Variants in CSPG4 observed in about 807,000 individuals in gnomAD.
The protein encoded by CSPG4 is chondroitin sulfate proteoglycan 4 (melanoma-associated).
CSPG4 carries 74 observed loss-of-function variants against 139.3 expected under a neutral mutation model. The ratio of observed to expected loss-of-function variants is 0.53; its 90% CI spans 0.44 to 0.64. The LOEUF (loss-of-function observed/expected upper bound fraction) is 0.64, where lower values mean the gene tolerates loss of function less well. CSPG4 is among the 30% of genes least tolerant of loss of function. The probability of loss-of-function intolerance (pLI) is 0.00; values close to 1 mark genes in which losing one functional copy is unlikely to be tolerated. For synonymous variants in CSPG4, 1,234 were observed against 1,394.2 expected (o/e 0.89, Z 2.56); for missense variants, 2,565 against 3,148.3 (o/e 0.81, Z 4.43).
At position 75,687,514 on chromosome 15, in the gene CSPG4, G is replaced by A. The variant is rs766380419; in HGVS notation, c.3551C>T (p.Ala1184Val). Residue 1184 changes from alanine to valine, a missense_variant, in exon 3 of 10, where the codon GCC becomes GTC. This residue lies in a region of CSPG4 where 2,316 missense variants were observed against 2,818.2 expected (regional missense o/e 0.82). Coordinates refer to ENST00000308508, the MANE Select transcript of CSPG4 (RefSeq NM_001897.5). The surrounding 1 kb of genome is among the most constrained non-coding windows in gnomAD (Gnocchi z 5.4). ...CAGGTCCTGCTGGGAGAAGGCTGTG[G>A]CTGGCTGACCAGCCCGGACTAGCTG... is the stretch of plus-strand genomic sequence containing the variant. ...WGQLVRAGQP[A>V]TAFSQQDLLD... 13 of 1,612,164 alleles carry A rather than the reference G, an allele frequency of 8.1e-6. No individual in the cohort carries two copies. The highest frequency in any genetic ancestry group is 1.1e-5 in the Non-Finnish European group (13 of 1,179,532).
chr15:75,703,401 T>C (rs554705732), intron 1 of CSPG4, among the ~76,000 whole-genome samples: 24 of 151,860 alleles, frequency 1.6e-4, no homozygotes, highest in African/African-American at 5.3e-4. Context: ...TTCCGTCCCA[T>C]AGAGTCTTCA....
chr15:75,685,398 A>C lies in CSPG4; in HGVS notation c.4093T>G (p.Phe1365Val), dbSNP rs987355927. ...PAAIPLEAQN[F>V]SVPEGGSLTL... The stretch of plus-strand genomic sequence containing the variant: ...AGGCTGCCACCCTCAGGGACGCTGA[A>C]GTTTTGCGCCTCTAGTGGGATGGCA... Residue 1365 changes from phenylalanine to valine, a missense_variant, in exon 4 of 10, where the codon TTC (phenylalanine) becomes GTC (valine). Phe to Val is a conservative substitution (Grantham distance 50). This residue lies in a region of CSPG4 where 2,316 missense variants were observed against 2,818.2 expected (regional missense o/e 0.82). Coordinates refer to ENST00000308508, the MANE Select transcript of CSPG4 (RefSeq NM_001897.5). 1.2e-6 allele frequency: 2 copies of C among 1,611,678 alleles called. No individual in the cohort carries two copies. Among genetic ancestry groups the C allele is most frequent in the South Asian group, 1.1e-5 (1 of 90,906 alleles).
chr15:75,687,623 C>A lies in CSPG4; in HGVS notation c.3442G>T (p.Ala1148Ser). 1 of 1,612,044 alleles carries A rather than the reference C, an allele frequency of 6.2e-7. No homozygotes were observed. The highest frequency in any genetic ancestry group is 8.5e-7 in the Non-Finnish European group (1 of 1,179,490). ...PQGGQGTIDT[A>S]VLHLDTNLDI... ...AGGTTGGTGTCCAGGTGGAGCACGG[C>A]CGTGTCGATGGTGCCCTGGCCTCCT... The change falls in exon 3 of 10, where the codon GCC becomes TCC. Residue 1148 changes from alanine to serine, a missense_variant. Physicochemically the swap from Ala to Ser is moderately conservative, Grantham distance 99. This residue lies in a region of CSPG4 where 2,316 missense variants were observed against 2,818.2 expected (regional missense o/e 0.82). Coordinates refer to ENST00000308508, the MANE Select transcript of CSPG4 (RefSeq NM_001897.5). The surrounding 1 kb of genome is among the most constrained non-coding windows in gnomAD (Gnocchi z 5.4).
intron 1 of CSPG4, among the ~76,000 whole-genome samples, chr15:75,693,945 G>A (rs1458215851): frequency 6.6e-5 from 10 of 152,242 alleles, no homozygotes; most frequent in African/African-American, 2.4e-4. Context: ...ACCATGTGCA[G>A]TGTCAAACCA....
rs369202512 is a variant in CSPG4 at position 75,675,937 on chromosome 15, G to C, written c.6582C>G (p.Pro2194=). 4 of 1,594,586 alleles carry C rather than the reference G, an allele frequency of 2.5e-6. No individual in the cohort carries two copies. The African/African-American group carries it at 4.0e-5, about 16-fold the overall frequency. ...TEAGKPESST[P]TGEPGPMASS... ...ATGCCATGGGGCCTGGCTCGCCTGTGGGGGTGCTGCTCTCTGGCTTCCCTG... is the reference window on the plus strand; with the variant it reads ...ATGCCATGGGGCCTGGCTCGCCTGTCGGGGTGCTGCTCTCTGGCTTCCCTG... Residue 2194 remains proline (P), a synonymous_variant, in exon 10 of 10, where the codon CCC becomes CCG. Coordinates refer to ENST00000308508, the MANE Select transcript of CSPG4 (RefSeq NM_001897.5).
intron 8 of CSPG4, among the ~76,000 whole-genome samples, chr15:75,678,276 C>A (rs182491502): frequency 4.0e-4 from 61 of 152,310 alleles, no homozygotes; most frequent in Admixed American, 7.2e-4. Flanking sequence ...TGTCAGTTCC[C>A]CCCAGATGCA....
rs1894084502 is a variant in CSPG4 at position 75,687,813 on chromosome 15, C to T, written c.3252G>A (p.Glu1084=). ...ACAGTACTCGCCTCTTCCTGAGGTC[C>T]TCCTGGGTGAAGCGGTAGATGGGCC... is the stretch of plus-strand genomic sequence containing the variant. ...PTRPIYRFTQ[E]DLRKRRVLFV... Residue 1084 remains glutamate, a synonymous_variant, in exon 3 of 10, where the codon GAG becomes GAA. Coordinates refer to ENST00000308508, the MANE Select transcript of CSPG4 (RefSeq NM_001897.5). This position sits in a 1 kb window ranked among gnomAD's most constrained non-coding sequence, Gnocchi z 5.4. 5.0e-6 allele frequency: 8 copies of T among 1,612,922 alleles called. No individual in the cohort carries two copies. The highest frequency in any genetic ancestry group is 6.8e-6 in the Non-Finnish European group (8 of 1,180,010).
Position 75,676,308 on chromosome 15 carries a change from C to T in CSPG4, c.6211G>A (p.Gly2071Ser), listed in dbSNP as rs751956488. The change falls in exon 10 of 10, where the codon GGC becomes AGC. Residue 2071 changes from glycine to serine, a missense_variant. By Grantham distance (56) the Gly-to-Ser change is moderately conservative (BLOSUM62 0). Around this residue, in one of 5 missense-constraint regions of CSPG4, gnomAD observed 2,316 missense variants for 2,818.2 expected, o/e 0.82. Coordinates refer to ENST00000308508, the MANE Select transcript of CSPG4 (RefSeq NM_001897.5). ...LRLDPTVLDA[G>S]ELANRTGSVP... Reference sequence around the variant, plus strand: ...CTGCCTGTGCGGTTGGCCAGCTCGCCAGCATCTAGGACGGTGGGGTCCAGG... The same window carrying T: ...CTGCCTGTGCGGTTGGCCAGCTCGCTAGCATCTAGGACGGTGGGGTCCAGG... 5 of 1,607,064 alleles carry T rather than the reference C, an allele frequency of 3.1e-6. No individual in the cohort carries two copies. The highest frequency in any genetic ancestry group is 4.2e-6 in the Non-Finnish European group (5 of 1,178,236).
At chr15:75,712,851 GC>G, upstream of CSPG4, 1 of 1,094,892 alleles carries the variant, frequency 9.1e-7, no homozygotes, top group Admixed American at 3.2e-5. Flanking sequence ...CTGGGCGCGG[GC>G]CGGCTCCGGG....
At chr15:75,677,616 G>T (rs1893912188) in intron 9 of CSPG4, 87 bp downstream of exon 9, 2 of 1,428,944 alleles carry the variant, frequency 1.4e-6, no homozygotes, top group Admixed American at 2.3e-5. Flanking sequence ...TGAGACAGGA[G>T]CTGCTGACCC....
chr15:75,701,688 C>T (rs150370755), intron 1 of CSPG4, among the ~76,000 whole-genome samples: 10,518 of 152,180 alleles, frequency 0.069, 1,139 homozygotes, highest in African/African-American at 0.23. Flanking sequence ...GTCTCTCTCA[C>T]TGGCACCAAC....
At chr15:75,706,136 G>A (rs566045387) in intron 1 of CSPG4, among the ~76,000 whole-genome samples, 1 of 152,204 alleles carries the variant, frequency 6.6e-6, no homozygotes, top group Non-Finnish European at 1.5e-5. Context: ...CAGTGTCCTG[G>A]TCCCACTGGT....
chr15:75,688,671 C>G lies in CSPG4; in HGVS notation c.2394G>C (p.Gln798His). 3 of 1,612,118 alleles carry G rather than the reference C, an allele frequency of 1.9e-6. No individual in the cohort carries two copies. The highest frequency in any genetic ancestry group is 2.5e-6 in the Non-Finnish European group (3 of 1,179,576). Residue 798 changes from glutamine (Q) to histidine (H), a missense_variant, in exon 3 of 10, where the codon CAG (glutamine) becomes CAC (histidine). Coordinates refer to ENST00000308508, the MANE Select transcript of CSPG4 (RefSeq NM_001897.5). ...RLEPLHTQNT[Q>H]QETLTTAHLE... The stretch of plus-strand genomic sequence containing the variant: ...GGTGGGCTGTGGTGAGGGTCTCCTG[C>G]TGGGTGTTCTGAGTGTGCAGTGGCT...
rs777249049 is a variant in CSPG4 at position 75,675,780 on chromosome 15, G to A, written c.6739C>T (p.Arg2247Ter). 7 of 1,613,414 alleles carry A rather than the reference G, an allele frequency of 4.3e-6. No individual in the cohort carries two copies. Among genetic ancestry groups the A allele is most frequent in the South Asian group, 2.2e-5 (2 of 91,054 alleles). The stretch of plus-strand genomic sequence containing the variant: ...TGCTTGCCCGTCTTGTTGCGTTTTC[G>A]GAGGTAGAAGAGCAGGGGCAGGATG... The part of the protein sequence containing the change: ...ALILPLLFYL[R>*]KRNKTGKHDV... The change falls in exon 10 of 10, where the codon CGA becomes TGA. Residue 2247 changes from arginine to a stop codon, truncating the protein, a stop_gained. Coordinates refer to ENST00000308508, the MANE Select transcript of CSPG4 (RefSeq NM_001897.5). LOFTEE classifies it high-confidence loss of function.
chr15:75,679,133 C>A, intron 8 of CSPG4: 1 of 197,258 alleles, frequency 5.1e-6, no homozygotes, highest in Non-Finnish European at 1.0e-5. Context: ...CTAGCCTGCT[C>A]TCCCCTGAAC....
chr15:75,702,716 G>A (rs1894321509), intron 1 of CSPG4, among the ~76,000 whole-genome samples: 1 of 152,262 alleles, frequency 6.6e-6, no homozygotes, highest in African/African-American at 2.4e-5. Flanking sequence ...GCCAGAGCCA[G>A]AGACTGCTTT....
intron 8 of CSPG4, among the ~76,000 whole-genome samples, chr15:75,681,802 CT>C (rs1893977387): frequency 6.6e-6 from 1 of 152,202 alleles, no homozygotes; most frequent in African/African-American, 2.4e-5. Context: ...GCTGACTCAG[CT>C]GCCTTTCATC....
In CSPG4 at chr15:75,693,183, T is replaced by G; in HGVS notation, c.139A>C (p.Thr47Pro). 1 of 1,610,328 alleles carries G rather than the reference T, an allele frequency of 6.2e-7. No homozygotes were observed. Residue 47 changes from threonine to proline, a missense_variant, in exon 2 of 10, where the codon ACC (threonine) becomes CCC (proline). Physicochemically the swap from Thr to Pro is conservative, Grantham distance 38. This residue lies in a region of CSPG4 where 30 missense variants were observed against 60.1 expected (regional missense o/e 0.50). Coordinates refer to ENST00000308508, the MANE Select transcript of CSPG4 (RefSeq NM_001897.5). ...HLEVPVATAL[T>P]DIDLQLQFST... ...AACTGCAGCTGCAGGTCTATGTCGG[T>G]CAGAGCCGTGGCCACAGGCACCTCC...
Position 75,674,500 on chromosome 15 carries a change from C to T in CSPG4, c.*1050G>A. 2.6e-6 allele frequency: 1 copy of T among 380,116 alleles called. No individual in the cohort carries two copies. The highest frequency in any genetic ancestry group is 4.7e-6 in the Non-Finnish European group (1 of 214,320). The allele number at this position is 380,116 out of a possible 1,614,324, so 23.5% of individuals were successfully genotyped here. A position where few individuals can be genotyped will look rare whatever the true frequency, so the allele number is the denominator to read the frequency against. ...CAGGAGGTGGAAGTTCAGAGGCCTG[C>T]CTGGCCCTGTCCATCCCACTGGCTG... is the stretch of plus-strand genomic sequence containing the variant. On this transcript the variant is annotated 3_prime_UTR_variant, in exon 10 of 10. Coordinates refer to ENST00000308508, the MANE Select transcript of CSPG4 (RefSeq NM_001897.5).
Sources: allele counts gnomAD v4.1 joint callset (sites outside exome capture counted in the v4.1 genomes callset), GRCh38; gene constraint gnomAD v4.1.1; regional missense constraint gnomAD v4.1.1; non-coding constraint Gnocchi (gnomAD v3.1); transcripts MANE v1.5; gene names NCBI Gene and HGNC (gene_info 2026-07-23, HGNC 2026-07-21).